ZNF704: variants seen among roughly 807,000 people sequenced by gnomAD.
The protein encoded by ZNF704 is zinc finger protein 704.
ZNF704 carries 10 observed loss-of-function variants against 44.7 expected under a neutral mutation model. That is an observed-to-expected ratio of 0.22 (90% CI 0.14 to 0.38). ZNF704 has a LOEUF of 0.38. Ranked by LOEUF, ZNF704 falls within the 10% of genes least tolerant of loss-of-function variation. ZNF704 has a pLI of 1.00. For synonymous variants in ZNF704, 211 were observed against 207.6 expected, an observed-to-expected ratio of 1.02 and a Z score of -0.14; for missense variants, 390 against 545.5, an observed-to-expected ratio of 0.71 and a Z score of 2.84.
chr8:80,706,118 T>C (rs1007728703), intron 2 of ZNF704, among the ~76,000 whole-genome samples: 1 of 152,166 alleles, frequency 6.6e-6, no homozygotes, highest in Non-Finnish European at 1.5e-5. Flanking sequence ...CTAATCAAAG[T>C]TGCACCTCTC....
chr8:80,785,118 C>T (rs1034345053), intron 2 of ZNF704, among the ~76,000 whole-genome samples: 11 of 152,144 alleles, frequency 7.2e-5, no homozygotes, highest in Non-Finnish European at 1.5e-4. Context: ...AGTCTTTATG[C>T]CCCCTCAGGC....
At chr8:80,706,091 T>C (rs1818893317) in intron 2 of ZNF704, among the ~76,000 whole-genome samples, 3 of 152,200 alleles carry the variant, frequency 2.0e-5, no homozygotes, top group Admixed American at 2.0e-4. Flanking sequence ...ATGTCACGAT[T>C]ATTCTCAAGA....
chr8:80,660,821 TAAACTATA>T (rs1818090867), intron 6 of ZNF704, among the ~76,000 whole-genome samples: 1 of 152,130 alleles, frequency 6.6e-6, no homozygotes, highest in African/African-American at 2.4e-5. Flanking sequence ...TGTAAGATCC[TAAACTATA>T]AAACTACTGG....
intron 2 of ZNF704, among the ~76,000 whole-genome samples, chr8:80,708,464 T>C (rs1315772924): frequency 6.6e-6 from 1 of 152,248 alleles, no homozygotes; most frequent in Non-Finnish European, 1.5e-5. Flanking sequence ...CCAAGTGAAG[T>C]CCACAGTCCA....
At chr8:80,804,060 C>CA (rs1305609986) in intron 2 of ZNF704, among the ~76,000 whole-genome samples, 1 of 151,660 alleles carries the variant, frequency 6.6e-6, no homozygotes, top group Non-Finnish European at 1.5e-5. Context: ...TCCATGTGGC[C>CA]AACAAACATA....
intron 2 of ZNF704, among the ~76,000 whole-genome samples, chr8:80,804,608 A>G (rs961141431): frequency 1.3e-5 from 2 of 152,168 alleles, no homozygotes; most frequent in Non-Finnish European, 2.9e-5. Context: ...GTTCTCACTT[A>G]TAAGTGGGAG....
chr8:80,715,879 A>C (rs1240620945), intron 2 of ZNF704, among the ~76,000 whole-genome samples: 1 of 152,150 alleles, frequency 6.6e-6, no homozygotes, highest in Admixed American at 6.5e-5. Context: ...CAGGAGTTTG[A>C]GACCAGCCTG....
intron 2 of ZNF704, among the ~76,000 whole-genome samples, chr8:80,718,015 G>T (rs961757109): frequency 2.6e-5 from 4 of 152,152 alleles, no homozygotes; most frequent in African/African-American, 9.7e-5. Context: ...ATTCTCAAAT[G>T]AACCCAAAAT....
intron 2 of ZNF704, among the ~76,000 whole-genome samples, chr8:80,699,584 G>A (rs1237024086): frequency 6.6e-6 from 1 of 152,056 alleles, no homozygotes; most frequent in African/African-American, 2.4e-5. Context: ...ATATGTCATG[G>A]ATCGATACTA....
intron 7 of ZNF704, among the ~76,000 whole-genome samples, chr8:80,653,354 A>G (rs199594600): frequency 6.6e-6 from 1 of 152,182 alleles, no homozygotes; most frequent in Non-Finnish European, 1.5e-5. Flanking sequence ...AAGGGTATTC[A>G]ATTAGGAAAA....
In ZNF704 at chr8:80,632,959, C is replaced by G. The variant is rs1421526924; in HGVS notation, c.*8407G>C. 1.3e-5 allele frequency: 2 copies of G among 151,406 alleles called. No homozygotes were observed. The highest frequency in any genetic ancestry group is 3.9e-4 in the East Asian group (2 of 5,194). 9.4% of individuals were successfully genotyped at this position (151,406 alleles called of 1,614,324 possible). The stretch of plus-strand genomic sequence containing the variant: ...GGCCAAAAAGTTTTTTTTTGAGGCT[C>G]CTTCTAGCTCCACAACCCAACTGCC... On this transcript the variant is annotated 3_prime_UTR_variant, in exon 9 of 9. Transcript: ENST00000327835.
At chr8:80,865,314 CAGTA>C (rs1809136261) in intron 1 of ZNF704, among the ~76,000 whole-genome samples, 1 of 152,110 alleles carries the variant, frequency 6.6e-6, no homozygotes, top group African/African-American at 2.4e-5. Context: ...AGCGTAGAGA[CAGTA>C]AGTAACTTGA....
chr8:80,757,762 A>G (rs1018103235), intron 2 of ZNF704, among the ~76,000 whole-genome samples: 7 of 152,316 alleles, frequency 4.6e-5, no homozygotes, highest in African/African-American at 1.7e-4. Flanking sequence ...TTAAATACAC[A>G]AATACCATTG....
intron 2 of ZNF704, among the ~76,000 whole-genome samples, chr8:80,810,287 C>T (rs1450637756): frequency 6.6e-6 from 1 of 152,080 alleles, no homozygotes; most frequent in Admixed American, 6.6e-5. Context: ...AGCTTTATCC[C>T]TTATCATTTC....
intron 2 of ZNF704, among the ~76,000 whole-genome samples, chr8:80,772,401 G>A (rs764220618): frequency 6.6e-6 from 1 of 152,084 alleles, no homozygotes; most frequent in Non-Finnish European, 1.5e-5. Context: ...ATTGGCTCAC[G>A]GTTCTGCAGG....
intron 2 of ZNF704, among the ~76,000 whole-genome samples, chr8:80,744,194 A>T (rs1012870100): frequency 6.6e-6 from 1 of 152,194 alleles, no homozygotes; most frequent in African/African-American, 2.4e-5. Context: ...GGTTAAATTT[A>T]TATTATTAAA....
chr8:80,652,262 A>G (rs1354470428), intron 7 of ZNF704, among the ~76,000 whole-genome samples: 1 of 152,076 alleles, frequency 6.6e-6, no homozygotes, highest in South Asian at 2.1e-4. Context: ...AAAGAACTAG[A>G]GAAGCAAGAG....
At chr8:80,718,595 G>A (rs73273083) in intron 2 of ZNF704, among the ~76,000 whole-genome samples, 10,511 of 152,076 alleles carry the variant, frequency 0.069, 1,208 homozygotes, top group African/African-American at 0.24. Flanking sequence ...AGAAGAACAC[G>A]CCTGGGCTGG....
intron 1 of ZNF704, among the ~76,000 whole-genome samples, chr8:80,868,386 T>TG (rs1809193382): frequency 6.6e-6 from 1 of 152,230 alleles, no homozygotes; most frequent in South Asian, 2.1e-4. Flanking sequence ...TCTCAGCTAC[T>TG]TAGTAGCATC....
Sources: gnomAD v4.1 joint callset for allele counts (sites outside exome capture counted in the v4.1 genomes callset) on GRCh38, gnomAD v4.1.1 for gene constraint, MANE v1.5 for transcripts, NCBI Gene and HGNC (gene_info 2026-07-23, HGNC 2026-07-21) for gene names.